Variants in FGD6 observed in about 807,000 individuals in gnomAD.
The protein encoded by FGD6 is FYVE, RhoGEF and PH domain-containing protein 6.
FGD6 carries 90 observed loss-of-function variants against 149.4 expected under a neutral mutation model. The ratio of observed to expected loss-of-function variants is 0.60; its 90% CI spans 0.51 to 0.72. The LOEUF is 0.72. Ranked by LOEUF, FGD6 falls within the 30% of genes least tolerant of loss-of-function variation. The pLI is 0.00. For synonymous variants in FGD6, 527 were observed against 584.0 expected (o/e 0.90, Z 1.41); for missense variants, 1,437 against 1,684.8 (o/e 0.85, Z 2.57).
rs777544940 is a variant in FGD6, at chr12:95,081,467, T to C, written c.*53A>G. ...CAATTTTTGAATTGCATTTACTCCA[T>C]TCTGATGAAATTCCACCTCTTTGGA... On this transcript the variant is annotated 3_prime_UTR_variant, in exon 21 of 21. Coordinates refer to ENST00000343958, the MANE Select transcript of FGD6 (RefSeq NM_018351.4). 1 of 1,503,666 alleles carries C rather than the reference T, an allele frequency of 6.7e-7. No individual in the cohort carries two copies. Among genetic ancestry groups the C allele is most frequent in the South Asian group, 1.3e-5 (1 of 74,740 alleles). The allele number at this position is 1,503,666 out of a possible 1,614,324, so 93.1% of individuals were successfully genotyped here.
intron 15 of FGD6, among the ~76,000 whole-genome samples, chr12:95,093,856 A>C (rs1179938436): frequency 6.6e-6 from 1 of 150,672 alleles, no homozygotes; most frequent in African/African-American, 2.4e-5. Context: ...TCAACAAAAA[A>C]AAAAAAGAAA....
At chr12:95,216,599 A>G (rs116823304) in intron 1 of FGD6, among the ~76,000 whole-genome samples, 2,284 of 151,920 alleles carry the variant, frequency 0.015, 63 homozygotes, top group African/African-American at 0.053. Context: ...GGAGGCAGAC[A>G]GAAAATAAAG....
chr12:95,172,903 C>T (rs965679196), intron 2 of FGD6, among the ~76,000 whole-genome samples, 159 bp from the exon 3 acceptor site: 6 of 152,174 alleles, frequency 3.9e-5, no homozygotes, highest in African/African-American at 1.2e-4. Flanking sequence ...TCCCTTCCTT[C>T]ACCCTGTCTC....
intron 3 of FGD6, among the ~76,000 whole-genome samples, chr12:95,154,116 C>T (rs897826771): frequency 2.0e-5 from 3 of 152,022 alleles, no homozygotes; most frequent in Non-Finnish European, 2.9e-5. Flanking sequence ...CGTGCCATCA[C>T]GCCTGGCTAA....
rs372060426 is a variant in FGD6, at chr12:95,210,640, T to C, written c.644A>G (p.Asn215Ser). Residue 215 changes from asparagine (N) to serine (S), a missense_variant, in exon 2 of 21, where the codon AAT becomes AGT. This residue lies in a region of FGD6 where 1,055 missense variants were observed against 1,146.0 expected (regional missense o/e 0.92). Transcript: ENST00000343958. Reference sequence around the variant, plus strand: ...CGCAAATTCAATTCTGAATTGTCCATTTGAATTACAGCCACCATTCATTTC... The same window carrying C: ...CGCAAATTCAATTCTGAATTGTCCACTTGAATTACAGCCACCATTCATTTC... The part of the protein sequence containing the change: ...SPEMNGGCNS[N>S]GQFRIEFADL... 1 of 1,614,084 alleles carries C rather than the reference T, an allele frequency of 6.2e-7. No individual in the cohort carries two copies. The highest frequency in any genetic ancestry group is 8.5e-7 in the Non-Finnish European group (1 of 1,180,056).
intron 14 of FGD6, among the ~76,000 whole-genome samples, chr12:95,102,312 C>T (rs1237734393): frequency 1.3e-5 from 2 of 151,864 alleles, no homozygotes; most frequent in South Asian, 2.1e-4. Flanking sequence ...GGCATGGTGG[C>T]GCATGCCTGT....
At chr12:95,093,861 A>G (rs959073745) in intron 15 of FGD6, among the ~76,000 whole-genome samples, 4 of 151,198 alleles carry the variant, frequency 2.6e-5, no homozygotes, top group African/African-American at 7.3e-5. Flanking sequence ...AAAAAAAAAA[A>G]AGAAATATGG....
At chr12:95,158,081 C>T (rs144864353) in intron 3 of FGD6, among the ~76,000 whole-genome samples, 29 of 151,282 alleles carry the variant, frequency 1.9e-4, no homozygotes, top group African/African-American at 6.8e-4. Flanking sequence ...CTCCTGACCT[C>T]GTGATCCACC....
intron 3 of FGD6, among the ~76,000 whole-genome samples, chr12:95,158,741 G>A (rs988894125): frequency 6.6e-6 from 1 of 152,010 alleles, no homozygotes; most frequent in Non-Finnish European, 1.5e-5. Context: ...TTAGAAATGG[G>A]CTTGGCATGG....
At chr12:95,181,881 T>C (rs1455019536) in intron 2 of FGD6, among the ~76,000 whole-genome samples, 1 of 151,694 alleles carries the variant, frequency 6.6e-6, no homozygotes, top group Non-Finnish European at 1.5e-5. Context: ...GAGGCAGAGC[T>C]TGCAGTGAGC....
chr12:95,169,949 C>T (rs1880942256), intron 3 of FGD6, among the ~76,000 whole-genome samples: 2 of 151,806 alleles, frequency 1.3e-5, no homozygotes, highest in Admixed American at 1.3e-4. Context: ...GGTGAAACTC[C>T]TTCTCTATTA....
chr12:95,198,751 C>A (rs1011163029), intron 2 of FGD6, among the ~76,000 whole-genome samples: 1 of 152,136 alleles, frequency 6.6e-6, no homozygotes, highest in African/African-American at 2.4e-5. Context: ...TACTATTAAG[C>A]CTAAAACTCA....
intron 2 of FGD6, among the ~76,000 whole-genome samples, chr12:95,198,333 CAAT>C (rs777431705): frequency 7.2e-4 from 109 of 152,128 alleles, no homozygotes; most frequent in Non-Finnish European, 1.4e-3. Context: ...TTAAAGAAAA[CAAT>C]AATATCTATC....
chr12:95,209,669 T>G lies in FGD6; in HGVS notation c.1615A>C (p.Asn539His), dbSNP rs1009295413. Residue 539 changes from asparagine (N) to histidine (H), a missense_variant, in exon 2 of 21, where the codon AAT becomes CAT. By Grantham distance (68) the Asn-to-His change is moderately conservative. Transcript: ENST00000343958. ...TGGGCACACAAATGCTGAAGGTGAT[T>G]TCTTTCTAGACTCTTCTCTGAACTT... ...EKSSEKSLERNHLQHLCAQNR... is the reference protein window; with the variant it reads ...EKSSEKSLERHHLQHLCAQNR... 6.2e-7 allele frequency: 1 copy of G among 1,613,438 alleles called. No individual in the cohort carries two copies. The highest frequency in any genetic ancestry group is 1.7e-5 in the Admixed American group (1 of 59,820).
At chr12:95,096,630 G>A (rs975051213) in intron 14 of FGD6, among the ~76,000 whole-genome samples, 1 of 152,098 alleles carries the variant, frequency 6.6e-6, no homozygotes, top group African/African-American at 2.4e-5. Context: ...CTTCCCCATG[G>A]AATACACATT....
chr12:95,138,728 CT>C (rs1301623591), intron 6 of FGD6, among the ~76,000 whole-genome samples: 12 of 152,098 alleles, frequency 7.9e-5, no homozygotes, highest in African/African-American at 2.9e-4. Context: ...TTCTACATGC[CT>C]GGAAATATAG....
At chr12:95,084,061 T>C (rs533996014) in intron 20 of FGD6, among the ~76,000 whole-genome samples, 4 of 152,326 alleles carry the variant, frequency 2.6e-5, no homozygotes, top group African/African-American at 9.6e-5. Flanking sequence ...TTTGACCTTT[T>C]CCCCAAAGAA....
chr12:95,217,203 C>G lies in FGD6; in HGVS notation c.16+22G>C. The G allele has an allele frequency of 1.9e-6, 3 of 1,612,490 alleles. No homozygotes were observed. The South Asian group carries it at 3.3e-5, about 18-fold the overall frequency. ...GCGCTCGCCACAAACTTTCCCGCGG[C>G]AGCGCGAGCGCCGTCACTTACCGGC... On this transcript the variant is annotated intron_variant, in intron 1 of 20. Transcript: ENST00000343958.
chr12:95,173,666 G>A (rs554841508), intron 2 of FGD6, among the ~76,000 whole-genome samples: 1 of 152,222 alleles, frequency 6.6e-6, no homozygotes, highest in South Asian at 2.1e-4. Flanking sequence ...GGAGCCAATT[G>A]CCTGTAGCAA....
Sources: allele counts gnomAD v4.1 joint callset (sites outside exome capture counted in the v4.1 genomes callset), GRCh38; gene constraint gnomAD v4.1.1; regional missense constraint gnomAD v4.1.1; transcripts MANE v1.5; gene names NCBI Gene and HGNC (gene_info 2026-07-23, HGNC 2026-07-21).